DPP10: variants seen among roughly 807,000 people sequenced by gnomAD.
DPP10 encodes dipeptidyl peptidase like 10.
In DPP10, 33 loss-of-function variants were observed where a neutral mutation model predicts 120.9. That is an observed-to-expected ratio of 0.27 (90% CI 0.21 to 0.37). The LOEUF is 0.37. DPP10 is among the 10% of genes least tolerant of loss of function. The probability of loss-of-function intolerance (pLI) is 1.00; values close to 1 mark genes in which losing one functional copy is unlikely to be tolerated. For synonymous variants in DPP10, 337 were observed against 326.1 expected, an observed-to-expected ratio of 1.03 and a Z score of -0.36; for missense variants, 816 against 942.8, an observed-to-expected ratio of 0.87 and a Z score of 1.76.
intron 5 of DPP10, among the ~76,000 whole-genome samples, chr2:115,577,703 CT>C (rs1342170043): frequency 2.0e-5 from 3 of 152,086 alleles, no homozygotes; most frequent in Non-Finnish European, 4.4e-5. Flanking sequence ...GGATTGGTGT[CT>C]TTTGAGGCCT....
At chr2:115,228,504 C>G (rs1358753370) in intron 1 of DPP10, among the ~76,000 whole-genome samples, 1 of 152,184 alleles carries the variant, frequency 6.6e-6, no homozygotes, top group African/African-American at 2.4e-5. Flanking sequence ...GCTTCAATCC[C>G]CCCTCCAGCC....
intron 5 of DPP10, among the ~76,000 whole-genome samples, chr2:115,604,868 C>A (rs1026474500): frequency 6.6e-6 from 1 of 152,298 alleles, no homozygotes; most frequent in Non-Finnish European, 1.5e-5. Flanking sequence ...TCTCCAATTT[C>A]TTCTCTTGTA....
At chr2:115,671,633 A>G (rs1350557906) in intron 5 of DPP10, among the ~76,000 whole-genome samples, 2 of 152,150 alleles carry the variant, frequency 1.3e-5, no homozygotes, top group Non-Finnish European at 2.9e-5. Flanking sequence ...TAGAAAATTT[A>G]TAACTATAAT....
In DPP10 at chr2:114,942,296, T is replaced by C. The variant is rs1420590836; in HGVS notation, c.61-366943T>C. 2.4e-5 allele frequency among the ~76,000 whole-genome samples: 3 copies of C among 127,028 alleles called. No homozygotes were observed. In the East Asian group the frequency reaches 6.5e-4, roughly 28 times the overall value. The allele number at this position is 127,028 out of a possible 152,430, so 83.3% of individuals were successfully genotyped here. On this transcript the variant is annotated intron_variant, in intron 1 of 25. Coordinates refer to ENST00000410059, the MANE Select transcript of DPP10 (RefSeq NM_020868.6). ...TCAAAAAAAAAAATGTGTATATATA[T>C]ACATATATATATATATATATATATA...
chr2:114,999,049 G>C (rs574624806), intron 1 of DPP10, among the ~76,000 whole-genome samples: 1 of 152,296 alleles, frequency 6.6e-6, no homozygotes, highest in Non-Finnish European at 1.5e-5. Context: ...CCCAATGCTT[G>C]AAGCACTTTT....
rs1242400940 is a variant in DPP10, at chr2:114,499,135, T to C, written c.60+56297T>C. Among the ~76,000 whole-genome samples the C allele has an allele frequency of 2.0e-5, 3 of 152,322 alleles. No homozygotes were observed. The East Asian group carries it at 5.8e-4, about 29-fold the overall frequency. On this transcript the variant is annotated intron_variant, in intron 1 of 25. Coordinates refer to ENST00000410059, the MANE Select transcript of DPP10 (RefSeq NM_020868.6). Reference sequence around the variant, plus strand: ...GGTGGCAGCTATCCCTGATCTCTCATGCTATTCATGGGTATGATACAACAG... The same window carrying C: ...GGTGGCAGCTATCCCTGATCTCTCACGCTATTCATGGGTATGATACAACAG...
At position 114,756,091 on chromosome 2, in the gene DPP10, G is replaced by A. The variant is rs78581802; in HGVS notation, c.60+313253G>A. On this transcript the variant is annotated intron_variant, in intron 1 of 25. Coordinates refer to ENST00000410059, the MANE Select transcript of DPP10 (RefSeq NM_020868.6). ...ATGAAAATGTTAAATACAATATAAG[G>A]CAATGTTTTGAAACTATAAAGAGAA... Among the ~76,000 whole-genome samples the A allele has an allele frequency of 3.9e-4, 59 of 152,172 alleles. No individual in the cohort carries two copies. In the East Asian group the frequency reaches 0.01, roughly 27 times the overall value.
chr2:115,729,687 A>T (rs940249292), intron 8 of DPP10, among the ~76,000 whole-genome samples: 1 of 152,112 alleles, frequency 6.6e-6, no homozygotes, highest in African/African-American at 2.4e-5. Flanking sequence ...ATGAGAGAGG[A>T]TTGCTTGAGC....
At chr2:115,597,646 TTTAA>T (rs1051925001) in intron 5 of DPP10, among the ~76,000 whole-genome samples, 3 of 151,594 alleles carry the variant, frequency 2.0e-5, no homozygotes, top group Non-Finnish European at 2.9e-5. Flanking sequence ...GATATCAGCT[TTTAA>T]TTAAGCAGAT....
chr2:115,235,826 G>T (rs1235343372), intron 1 of DPP10, among the ~76,000 whole-genome samples: 1 of 152,144 alleles, frequency 6.6e-6, no homozygotes, highest in Non-Finnish European at 1.5e-5. Context: ...CTCCGAAAGT[G>T]CTGGGAATAC....
intron 3 of DPP10, among the ~76,000 whole-genome samples, chr2:115,384,133 G>A (rs1169135204): frequency 6.6e-6 from 1 of 152,134 alleles, no homozygotes; most frequent in Non-Finnish European, 1.5e-5. Flanking sequence ...CCCATCTCCT[G>A]CTCTCCTGTC....
At chr2:115,608,713 A>G (rs1228593218) in intron 5 of DPP10, among the ~76,000 whole-genome samples, 1 of 152,194 alleles carries the variant, frequency 6.6e-6, no homozygotes, top group Non-Finnish European at 1.5e-5. Flanking sequence ...CAGAGCTTCT[A>G]ACATGAAAGG....
At chr2:115,473,503 G>A (rs1402864801) in intron 3 of DPP10, among the ~76,000 whole-genome samples, 1 of 152,062 alleles carries the variant, frequency 6.6e-6, no homozygotes, top group Non-Finnish European at 1.5e-5. Flanking sequence ...TTACATTCTT[G>A]GCAGCCTGTG....
chr2:115,186,104 A>G (rs1331327452), intron 1 of DPP10, among the ~76,000 whole-genome samples: 9 of 152,210 alleles, frequency 5.9e-5, no homozygotes, highest in East Asian at 3.9e-4. Flanking sequence ...TAACCCTTTT[A>G]TAAGTGAGTG....
At chr2:114,548,383 G>T (rs1025852818) in intron 1 of DPP10, among the ~76,000 whole-genome samples, 4 of 152,126 alleles carry the variant, frequency 2.6e-5, no homozygotes, top group African/African-American at 9.7e-5. Flanking sequence ...AGAGATGGGG[G>T]TGTTGCGACA....
chr2:114,879,269 C>G (rs1317344954), intron 1 of DPP10, among the ~76,000 whole-genome samples: 1 of 151,918 alleles, frequency 6.6e-6, no homozygotes, highest in African/African-American at 2.4e-5. Context: ...TCCCTACCCT[C>G]AAGGAATTTA....
At chr2:115,709,745 A>C (rs1342216261) in intron 7 of DPP10, among the ~76,000 whole-genome samples, 1 of 151,860 alleles carries the variant, frequency 6.6e-6, no homozygotes, top group Non-Finnish European at 1.5e-5. Context: ...AAAAGAGAGA[A>C]AAACAAAACA....
intron 1 of DPP10, chr2:115,132,034 G>C (rs1276062471): frequency 1.3e-5 from 2 of 152,126 alleles, no homozygotes; most frequent in Non-Finnish European, 2.9e-5. Context: ...AGGTTACAGT[G>C]AGCCAAGATT....
At chr2:115,379,532 T>C (rs991274065) in intron 3 of DPP10, among the ~76,000 whole-genome samples, 1 of 152,014 alleles carries the variant, frequency 6.6e-6, no homozygotes, top group Non-Finnish European at 1.5e-5. Context: ...TTTTGAAGGG[T>C]TTTTTGTGTC....
Sources: gnomAD v4.1 joint callset for allele counts (sites outside exome capture counted in the v4.1 genomes callset) on GRCh38, gnomAD v4.1.1 for gene constraint, MANE v1.5 for transcripts, NCBI Gene and HGNC (gene_info 2026-07-23, HGNC 2026-07-21) for gene names.